The following AGBL1 variants were observed in gnomAD, a reference collection of about 807,000 sequenced individuals.
AGBL1 encodes cytosolic carboxypeptidase 4.
A neutral mutation model predicts 118.9 loss-of-function variants in AGBL1; 130 were observed. That is an observed-to-expected ratio of 1.09 (90% CI 0.95 to 1.26). The LOEUF (loss-of-function observed/expected upper bound fraction) is 1.26. Among genes scored for constraint, AGBL1 ranks in the 50% most tolerant of loss-of-function variants. AGBL1 has a pLI of 0.00. For synonymous variants in AGBL1, 555 were observed against 478.9 expected (o/e 1.16, Z -2.08); for missense variants, 1,584 against 1,298.1 (o/e 1.22, Z -3.38).
At chr15:87,027,060 C>G (rs946284181) in intron 24 of AGBL1, among the ~76,000 whole-genome samples, 4 of 151,804 alleles carry the variant, frequency 2.6e-5, no homozygotes, top group Admixed American at 2.6e-4. Flanking sequence ...GATGGGTGCA[C>G]CAAAATCTCA....
chr15:86,218,667 C>A (rs2078229303), intron 5 of AGBL1, among the ~76,000 whole-genome samples: 1 of 152,188 alleles, frequency 6.6e-6, no homozygotes, highest in East Asian at 1.9e-4. Context: ...ATGAAGTAAG[C>A]AGTAATGTTG....
At chr15:86,622,226 A>G (rs1340080800) in intron 21 of AGBL1, among the ~76,000 whole-genome samples, 4 of 151,524 alleles carry the variant, frequency 2.6e-5, no homozygotes, top group African/African-American at 9.7e-5. Context: ...GCTACTCAGG[A>G]GGCTGAGTCA....
At chr15:86,858,068 C>T (rs1190084265) in intron 22 of AGBL1, among the ~76,000 whole-genome samples, 1 of 152,186 alleles carries the variant, frequency 6.6e-6, no homozygotes. Flanking sequence ...CCACTACACA[C>T]AGGCTAAGCT....
chr15:86,986,050 A>G (rs1027026931), intron 23 of AGBL1, among the ~76,000 whole-genome samples: 1 of 151,892 alleles, frequency 6.6e-6, no homozygotes, highest in African/African-American at 2.4e-5. Context: ...CAGACTCCCA[A>G]GTAGCTGGGA....
chr15:86,809,095 A>T (rs936658135), intron 22 of AGBL1, among the ~76,000 whole-genome samples: 3 of 152,158 alleles, frequency 2.0e-5, no homozygotes, highest in Non-Finnish European at 4.4e-5. Flanking sequence ...TCAATTTCCA[A>T]CAATGTAAGG....
intron 5 of AGBL1, among the ~76,000 whole-genome samples, chr15:86,163,006 A>T (rs1293452265): frequency 6.6e-6 from 1 of 152,066 alleles, no homozygotes; most frequent in East Asian, 1.9e-4. Context: ...ATTCTATTGG[A>T]CTCTGTACTA....
intron 1 of AGBL1, among the ~76,000 whole-genome samples, chr15:86,108,928 A>T (rs1423074190): frequency 6.6e-6 from 1 of 152,128 alleles, no homozygotes; most frequent in East Asian, 1.9e-4. Context: ...CTGCTCTCCA[A>T]CCTGGGCAAC....
At chr15:86,213,471 C>T (rs1287599500) in intron 5 of AGBL1, among the ~76,000 whole-genome samples, 1 of 152,156 alleles carries the variant, frequency 6.6e-6, no homozygotes, top group Admixed American at 6.5e-5. Flanking sequence ...CCCTAGACCT[C>T]CTGTGTCAGG....
intron 1 of AGBL1, among the ~76,000 whole-genome samples, chr15:86,129,673 G>C (rs546342922): frequency 3.3e-5 from 5 of 152,172 alleles, no homozygotes; most frequent in Non-Finnish European, 7.3e-5. Flanking sequence ...CTAGCGGGTA[G>C]AGACCAGGAA....
At chr15:86,956,665 A>C (rs1180501295) in intron 23 of AGBL1, among the ~76,000 whole-genome samples, 1 of 152,192 alleles carries the variant, frequency 6.6e-6, no homozygotes, top group East Asian at 1.9e-4. Flanking sequence ...TCACACATTA[A>C]AAAATAGTTT....
intron 24 of AGBL1, among the ~76,000 whole-genome samples, chr15:87,009,476 G>T (rs1393306744): frequency 6.6e-6 from 1 of 152,256 alleles, no homozygotes; most frequent in Non-Finnish European, 1.5e-5. Context: ...GAGAACCTCT[G>T]CTAGGGCAGT....
intron 17 of AGBL1, among the ~76,000 whole-genome samples, chr15:86,387,334 T>C (rs373730687): frequency 6.6e-6 from 1 of 152,094 alleles, no homozygotes; most frequent in East Asian, 1.9e-4. Flanking sequence ...AGGAGACCAA[T>C]TGGCTGGGCC....
chr15:86,444,543 C>T (rs758414724), intron 18 of AGBL1, among the ~76,000 whole-genome samples: 13 of 152,168 alleles, frequency 8.5e-5, no homozygotes, highest in Non-Finnish European at 1.8e-4. Flanking sequence ...TGGGGGCAGG[C>T]CAACCTGCCT....
Position 86,532,601 on chromosome 15 carries a change from A to G in AGBL1, c.2685+9662A>G, listed in dbSNP as rs560631272. Among the ~76,000 whole-genome samples the G allele has an allele frequency of 2.7e-4, 39 of 146,322 alleles. No individual in the cohort carries two copies. The South Asian group carries it at 8.1e-3, about 30-fold the overall frequency. On this transcript the variant is annotated intron_variant, in intron 19 of 22. Transcript: ENST00000614907. ...CCAATGACTTTCTTCACAGAATTGG[A>G]AAAAACTACTTTAAAGTTCATATGG...
rs943748047 is a variant in AGBL1 at position 86,913,066 on chromosome 15, G to T, written c.*5772G>T. The T allele has an allele frequency of 6.6e-6, 1 of 152,104 alleles. No individual in the cohort carries two copies. The highest frequency in any genetic ancestry group is 2.4e-5 in the African/African-American group (1 of 41,418). The allele number at this position is 152,104 out of a possible 1,614,324, so 9.4% of individuals were successfully genotyped here. ...AAAAGGGAATTTTGAGATAAAAATG[G>T]ATTCTATTACAACCTTTCAGTGCCT... On this transcript the variant is annotated 3_prime_UTR_variant, in exon 23 of 23. Transcript: ENST00000614907.
At chr15:86,807,149 A>G (rs1460641970) in intron 22 of AGBL1, among the ~76,000 whole-genome samples, 1 of 152,136 alleles carries the variant, frequency 6.6e-6, no homozygotes, top group Admixed American at 6.6e-5. Context: ...TAAAGATCTA[A>G]ATAAGATAGA....
At chr15:86,088,965 C>T (rs1249883427) in intron 1 of AGBL1, among the ~76,000 whole-genome samples, 1 of 152,184 alleles carries the variant, frequency 6.6e-6, no homozygotes, top group Non-Finnish European at 1.5e-5. Flanking sequence ...CTACCTAAAG[C>T]ACTGTCTGGT....
intron 22 of AGBL1, among the ~76,000 whole-genome samples, chr15:86,778,377 T>A (rs2078287731): frequency 6.6e-6 from 1 of 152,120 alleles, no homozygotes; most frequent in Non-Finnish European, 1.5e-5. Context: ...CAAAATTTAT[T>A]AGGCAGGAAT....
intron 7 of AGBL1, among the ~76,000 whole-genome samples, chr15:86,250,780 G>A (rs574117190): frequency 4.6e-5 from 7 of 152,276 alleles, no homozygotes; most frequent in African/African-American, 1.7e-4. Context: ...GAGCACAGAT[G>A]CCCTTGCAGG....
Sources: allele counts gnomAD v4.1 joint callset (sites outside exome capture counted in the v4.1 genomes callset), GRCh38; gene constraint gnomAD v4.1.1; transcripts MANE v1.5; gene names NCBI Gene and HGNC (gene_info 2026-07-23, HGNC 2026-07-21).